The following AP1G1 variants were observed in gnomAD, a reference collection of about 807,000 sequenced individuals.
AP1G1 encodes AP-1 complex subunit gamma-1.
In AP1G1, 7 loss-of-function variants were observed where a neutral mutation model predicts 108.3. That is an observed-to-expected ratio of 0.06 (90% CI 0.04 to 0.12). AP1G1 has a LOEUF of 0.12. Ranked by LOEUF, AP1G1 falls within the 10% of genes least tolerant of loss-of-function variation. The probability of loss-of-function intolerance (pLI) is 1.00; values close to 1 mark genes in which losing one functional copy is unlikely to be tolerated. For missense variants in AP1G1, 756 were observed against 1,010.7 expected, an observed-to-expected ratio of 0.75 and a Z score of 3.42; for synonymous variants, 379 against 353.5, an observed-to-expected ratio of 1.07 and a Z score of -0.81.
chr16:71,757,232 C>A (rs1054533427), intron 11 of AP1G1, among the ~76,000 whole-genome samples: 5 of 152,152 alleles, frequency 3.3e-5, no homozygotes, highest in Non-Finnish European at 5.9e-5. Context: ...AGGCAGATCA[C>A]CTGAGGTCAG....
In AP1G1 at chr16:71,761,517, ATTC is replaced by A; in HGVS notation, c.966_968del (p.Lys322del). 1 of 1,589,488 alleles carries A rather than the reference ATTC, an allele frequency of 6.3e-7. No individual in the cohort carries two copies. Among genetic ancestry groups the A allele is most frequent in the Non-Finnish European group, 8.6e-7 (1 of 1,158,204 alleles). On this transcript the variant is annotated inframe_deletion, in exon 10 of 23. Coordinates refer to ENST00000299980, the MANE Select transcript of AP1G1 (RefSeq NM_001128.6). ...ACATATTTCAGTTAACTTACCTAATATTCTTGTCATTGTTCAATAAGAAACGAC... is the reference window on the plus strand; with the variant it reads ...ACATATTTCAGTTAACTTACCTAATATTGTCATTGTTCAATAAGAAACGAC...
intron 1 of AP1G1, among the ~76,000 whole-genome samples, chr16:71,796,694 G>A (rs1488881253): frequency 6.6e-6 from 1 of 152,126 alleles, no homozygotes. Flanking sequence ...CCCTGTCTAG[G>A]CAGCCAGCTG....
At chr16:71,745,321 T>A (rs1372619057) in intron 18 of AP1G1, 51 bp from the exon 19 acceptor site, 3 of 1,608,842 alleles carry the variant, frequency 1.9e-6, no homozygotes, top group Admixed American at 1.7e-5. Context: ...TTGTCTAGTA[T>A]ACATCTAATG....
Position 71,744,666 on chromosome 16 carries a change from C to T in AP1G1, c.1999+478G>A, listed in dbSNP as rs566329422. ...TCTCGGCTCACTGCAACCTCCGTCT[C>T]TCAGGTTCAAGCGATTCTCCTGCCT... On this transcript the variant is annotated intron_variant, in intron 19 of 22. Coordinates refer to ENST00000299980, the MANE Select transcript of AP1G1 (RefSeq NM_001128.6). Among the ~76,000 whole-genome samples the T allele has an allele frequency of 4.1e-5, 6 of 146,098 alleles. No individual in the cohort carries two copies. In the East Asian group the frequency reaches 1.0e-3, roughly 25 times the overall value.
intron 2 of AP1G1, among the ~76,000 whole-genome samples, chr16:71,777,249 T>G (rs1349657667): frequency 7.1e-6 from 1 of 140,328 alleles, no homozygotes; most frequent in Non-Finnish European, 1.5e-5. Flanking sequence ...CCAGGCAGGA[T>G]AGGGATGAGG....
rs183398504 is a variant in AP1G1, at chr16:71,744,074, C to T, written c.1999+1070G>A. On this transcript the variant is annotated intron_variant, in intron 19 of 22. Transcript: ENST00000299980. ...CCTGACGAACATGGAGAAACCCCAT[C>T]TCTACTAAAAATACGAAAATTAGCC... 4.3e-3 allele frequency among the ~76,000 whole-genome samples: 661 copies of T among 152,026 alleles called. 3 individuals are homozygous for T. Among genetic ancestry groups the T allele is most frequent in the Non-Finnish European group, 6.5e-3 (445 of 67,986 alleles).
intron 19 of AP1G1, chr16:71,742,246 T>C (rs1299401296): frequency 2.0e-5 from 3 of 152,062 alleles, no homozygotes; most frequent in Non-Finnish European, 4.4e-5. Context: ...AGGAACCTCA[T>C]CTATAATACA....
intron 13 of AP1G1, chr16:71,751,424 A>G (rs2030495858): frequency 6.6e-6 from 1 of 151,432 alleles, no homozygotes. Flanking sequence ...TTAATTTGTA[A>G]GACTGAGACC....
intron 1 of AP1G1, among the ~76,000 whole-genome samples, chr16:71,794,634 T>G (rs559958807): frequency 2.6e-5 from 4 of 152,018 alleles, no homozygotes; most frequent in African/African-American, 4.8e-5. Context: ...GATTACTTTA[T>G]ATGCCCAAAG....
chr16:71,799,161 T>C (rs1395084704), intron 1 of AP1G1, among the ~76,000 whole-genome samples: 5 of 152,184 alleles, frequency 3.3e-5, no homozygotes, highest in Admixed American at 2.0e-4. Flanking sequence ...ACTATGTATT[T>C]ATACCCAGTG....
At chr16:71,754,150 G>A (rs2030647597) in intron 12 of AP1G1, among the ~76,000 whole-genome samples, 1 of 151,908 alleles carries the variant, frequency 6.6e-6, no homozygotes, top group Non-Finnish European at 1.5e-5. Flanking sequence ...GAGGTAGGAG[G>A]ATTGCCTGAG....
rs557250531 is a variant in AP1G1 at position 71,769,345 on chromosome 16, G to A, written c.642+278C>T. Among the ~76,000 whole-genome samples, 12 of 151,816 alleles carry A rather than the reference G, an allele frequency of 7.9e-5. No homozygotes were observed. The East Asian group carries it at 2.3e-3, about 29-fold the overall frequency. The stretch of plus-strand genomic sequence containing the variant: ...AATTTGACCTCAGATCATGTTTCTT[G>A]ACTCAAATGTGAAAACAGTAGATAA... On this transcript the variant is annotated intron_variant, in intron 6 of 22. Coordinates refer to ENST00000299980, the MANE Select transcript of AP1G1 (RefSeq NM_001128.6).
chr16:71,730,022 T>G lies in AP1G1; in HGVS notation c.*3036A>C, dbSNP rs2045462967. ...TGTTGGACAGTTTTAAAAGTCTATT[T>G]TCATATATGAATGGGACAAACAAGG... On this transcript the variant is annotated 3_prime_UTR_variant, in exon 23 of 23. Transcript: ENST00000299980. The G allele has an allele frequency of 6.6e-6, 1 of 152,536 alleles. No homozygotes were observed. The highest frequency in any genetic ancestry group is 1.5e-5 in the Non-Finnish European group (1 of 68,048). The allele number at this position is 152,536 out of a possible 1,614,324, so 9.4% of individuals were successfully genotyped here. A position where few individuals can be genotyped will look rare whatever the true frequency, so the allele number is the denominator to read the frequency against.
intron 4 of AP1G1, 81 bp from the exon 5 acceptor site, chr16:71,771,333 C>T (rs765622029): frequency 2.3e-5 from 17 of 754,560 alleles, no homozygotes; most frequent in Non-Finnish European, 3.3e-5. Context: ...ACCACCAACA[C>T]AAAAATCTCA....
chr16:71,777,949 G>A, intron 2 of AP1G1: 1 of 182,762 alleles, frequency 5.5e-6, no homozygotes, highest in East Asian at 1.7e-4. Context: ...GGTGGCGGCA[G>A]CAGCAGTTGC....
intron 6 of AP1G1, among the ~76,000 whole-genome samples, chr16:71,768,134 T>G (rs1387346893): frequency 1.3e-5 from 2 of 149,390 alleles, no homozygotes; most frequent in African/African-American, 5.0e-5. Flanking sequence ...AAGAACAGTC[T>G]TCTTCTGAGT....
At chr16:71,758,244 T>C (rs548381561) in intron 11 of AP1G1, 2 of 338,966 alleles carry the variant, frequency 5.9e-6, no homozygotes, top group African/African-American at 4.3e-5. Flanking sequence ...TCTACAAACA[T>C]CTAGAGTTCT....
chr16:71,746,014 A>G (rs978817501), intron 17 of AP1G1, among the ~76,000 whole-genome samples: 4 of 151,724 alleles, frequency 2.6e-5, no homozygotes, highest in Non-Finnish European at 5.9e-5. Flanking sequence ...TACAACTCCC[A>G]CTTCTTTTTT....
intron 21 of AP1G1, among the ~76,000 whole-genome samples, chr16:71,736,453 T>C (rs2045543120): frequency 6.6e-6 from 1 of 150,496 alleles, no homozygotes; most frequent in African/African-American, 2.4e-5. Flanking sequence ...CGATCTCGGC[T>C]CACTGCAAGC....
Sources: gnomAD v4.1 joint callset for allele counts (sites outside exome capture counted in the v4.1 genomes callset) on GRCh38, gnomAD v4.1.1 for gene constraint, MANE v1.5 for transcripts, NCBI Gene and HGNC (gene_info 2026-07-23, HGNC 2026-07-21) for gene names.